The following PDS5B variants were observed in gnomAD, a reference collection of about 807,000 sequenced individuals.
PDS5B encodes the protein sister chromatid cohesion protein PDS5 homolog B.
PDS5B carries 51 observed loss-of-function variants against 184.1 expected under a neutral mutation model. That is an observed-to-expected ratio of 0.28 (90% CI 0.22 to 0.35). The LOEUF (loss-of-function observed/expected upper bound fraction) is 0.35. Among genes scored for constraint, PDS5B ranks in the 10% least tolerant of loss-of-function variants. The probability of loss-of-function intolerance (pLI) is 1.00; values close to 1 mark genes in which losing one functional copy is unlikely to be tolerated. For missense variants in PDS5B, 1,180 were observed against 1,723.3 expected, an observed-to-expected ratio of 0.68 and a Z score of 5.58; for synonymous variants, 566 against 569.2, an observed-to-expected ratio of 0.99 and a Z score of 0.08.
At chr13:32,667,926 G>A (rs1164780010) in intron 7 of PDS5B, 82 bp downstream of exon 7, 2 of 655,096 alleles carry the variant, frequency 3.1e-6, no homozygotes, top group Non-Finnish European at 2.5e-6. Context: ...TCATCAGATA[G>A]TATATAGTTT....
intron 1 of PDS5B, among the ~76,000 whole-genome samples, chr13:32,626,297 A>G (rs1246806929): frequency 1.3e-5 from 2 of 152,170 alleles, no homozygotes; most frequent in African/African-American, 2.4e-5. Context: ...CCGTGGTCCT[A>G]TGTTCCTCCT....
intron 31 of PDS5B, among the ~76,000 whole-genome samples, chr13:32,768,225 A>G (rs1345637647): frequency 1.3e-5 from 2 of 152,158 alleles, no homozygotes; most frequent in African/African-American, 4.8e-5. Context: ...TTGGTTCCTG[A>G]TGAGGGCTGT....
intron 17 of PDS5B, among the ~76,000 whole-genome samples, chr13:32,703,049 A>G (rs1420583978): frequency 6.6e-6 from 1 of 152,190 alleles, no homozygotes; most frequent in Non-Finnish European, 1.5e-5. Context: ...TTCAAGTCCA[A>G]ATGATGTGGA....
chr13:32,689,874 A>G (rs891439263), intron 13 of PDS5B: 2 of 152,128 alleles, frequency 1.3e-5, no homozygotes, highest in Admixed American at 1.3e-4. Context: ...GAAATATGGT[A>G]TTTATATCAT....
intron 1 of PDS5B, among the ~76,000 whole-genome samples, chr13:32,606,270 A>C (rs1186336176): frequency 6.6e-6 from 1 of 152,224 alleles, no homozygotes; most frequent in Admixed American, 6.5e-5. Context: ...TGGTGGTGAC[A>C]AAATCTCTGA....
chr13:32,762,654 G>A (rs1026356313), intron 30 of PDS5B, among the ~76,000 whole-genome samples: 2 of 152,016 alleles, frequency 1.3e-5, no homozygotes, highest in East Asian at 1.9e-4. Flanking sequence ...AGAAAGCCTC[G>A]AAATTGTGTT....
At chr13:32,708,851 T>C (rs1952112646) in intron 18 of PDS5B, among the ~76,000 whole-genome samples, 1 of 152,114 alleles carries the variant, frequency 6.6e-6, no homozygotes, top group East Asian at 1.9e-4. Context: ...ATATTTGATA[T>C]ATGTACAAAC....
At chr13:32,597,904 A>T (rs1054205180) in intron 1 of PDS5B, among the ~76,000 whole-genome samples, 3 of 151,498 alleles carry the variant, frequency 2.0e-5, no homozygotes, top group African/African-American at 7.3e-5. Flanking sequence ...AAAATGATGA[A>T]TTTTTTTTTA....
At chr13:32,767,262 T>C (rs1320297394) in intron 31 of PDS5B, among the ~76,000 whole-genome samples, 1 of 152,196 alleles carries the variant, frequency 6.6e-6, no homozygotes, top group East Asian at 1.9e-4. Flanking sequence ...ATCTTTAATG[T>C]GCTAAAAGTT....
At chr13:32,765,121 GTTT>G (rs1238088407) in intron 31 of PDS5B, among the ~76,000 whole-genome samples, 1 of 152,042 alleles carries the variant, frequency 6.6e-6, no homozygotes, top group Non-Finnish European at 1.5e-5. Flanking sequence ...AGTTTGTGTT[GTTT>G]TAAGACAAAT....
intron 26 of PDS5B, among the ~76,000 whole-genome samples, chr13:32,757,426 T>C (rs1010586214): frequency 3.3e-5 from 5 of 152,146 alleles, no homozygotes; most frequent in Non-Finnish European, 5.9e-5. Flanking sequence ...CTCTCCTCCT[T>C]CTCCCATTAC....
chr13:32,760,697 C>T lies in PDS5B; in HGVS notation c.3495C>T (p.Ser1165=), dbSNP rs1208294122. The change falls in exon 30 of 35, where the codon AGC becomes AGT. Residue 1165 remains serine (S), a synonymous_variant. Coordinates refer to ENST00000315596, the MANE Select transcript of PDS5B (RefSeq NM_015032.4). The part of the protein sequence containing the change: ...VSNASSSSNP[S]SPGRIKGRLD... ...ATGCAAGCAGCAGCTCAAATCCAAG[C>T]TCTCCTGGAAGAATAAAGGGGAGGT... The T allele has an allele frequency of 6.2e-7, 1 of 1,613,788 alleles. No homozygotes were observed. Among genetic ancestry groups the T allele is most frequent in the Non-Finnish European group, 8.5e-7 (1 of 1,179,914 alleles).
intron 22 of PDS5B, 118 bp from the exon 23 acceptor site, chr13:32,742,473 G>A (rs1276854357): frequency 1.3e-6 from 1 of 772,846 alleles, no homozygotes; most frequent in Admixed American, 3.0e-5. Context: ...ATACAGAAAA[G>A]AATTTTTTCT....
intron 19 of PDS5B, among the ~76,000 whole-genome samples, chr13:32,720,206 T>C (rs1952622227): frequency 6.6e-6 from 1 of 152,016 alleles, no homozygotes; most frequent in South Asian, 2.1e-4. Flanking sequence ...CCTGTCAGCC[T>C]TCCAAATCAT....
chr13:32,746,401 C>G (rs916129178), intron 24 of PDS5B, among the ~76,000 whole-genome samples: 2 of 152,166 alleles, frequency 1.3e-5, no homozygotes, highest in African/African-American at 2.4e-5. Flanking sequence ...TTCCTTCAAG[C>G]CCCTGGCCAC....
intron 1 of PDS5B, among the ~76,000 whole-genome samples, chr13:32,641,971 A>C (rs1950107035): frequency 6.6e-6 from 1 of 152,148 alleles, no homozygotes; most frequent in South Asian, 2.1e-4. Flanking sequence ...CCTAGTACTT[A>C]GTGTATTGCA....
chr13:32,728,627 G>A (rs1952993494), intron 19 of PDS5B, among the ~76,000 whole-genome samples: 1 of 152,018 alleles, frequency 6.6e-6, no homozygotes, highest in African/African-American at 2.4e-5. Context: ...CTCAACCCAG[G>A]CTCTATTTGG....
At chr13:32,753,603 C>A in intron 25 of PDS5B, 67 bp downstream of exon 25, 1 of 1,015,536 alleles carries the variant, frequency 9.8e-7, no homozygotes. Context: ...TAGAATATAG[C>A]ATGATATATG....
intron 13 of PDS5B, chr13:32,689,835 A>G (rs1488408401): frequency 6.6e-6 from 1 of 152,158 alleles, no homozygotes; most frequent in East Asian, 1.9e-4. Flanking sequence ...TCTCATGGCA[A>G]AATTAATTGA....
Sources: allele counts gnomAD v4.1 joint callset (sites outside exome capture counted in the v4.1 genomes callset), GRCh38; gene constraint gnomAD v4.1.1; transcripts MANE v1.5; gene names NCBI Gene and HGNC (gene_info 2026-07-23, HGNC 2026-07-21).